The following DCDC2C variants were observed in gnomAD, a reference collection of about 807,000 sequenced individuals.
The protein encoded by DCDC2C is doublecortin domain-containing protein 2C.
In DCDC2C, 44 loss-of-function variants were observed where a neutral mutation model predicts 45.0. That is an observed-to-expected ratio of 0.98 (90% CI 0.77 to 1.26). DCDC2C has a LOEUF of 1.26. Ranked by LOEUF, DCDC2C falls within the 50% of genes most tolerant of loss-of-function variation. DCDC2C has a pLI of 0.00. For synonymous variants in DCDC2C, 187 were observed against 178.8 expected (o/e 1.05, Z -0.37); for missense variants, 447 against 468.9 (o/e 0.95, Z 0.43).
At chr2:3,766,200 G>A (rs1670007038) in intron 6 of DCDC2C, among the ~76,000 whole-genome samples, 1 of 152,116 alleles carries the variant, frequency 6.6e-6, no homozygotes, top group East Asian at 1.9e-4. Flanking sequence ...AACTACTTCT[G>A]TGCCCTCGTT....
chr2:3,743,316 T>C (rs1451553492), intron 4 of DCDC2C, among the ~76,000 whole-genome samples: 1 of 152,172 alleles, frequency 6.6e-6, no homozygotes, highest in Non-Finnish European at 1.5e-5. Flanking sequence ...AGGAGGTGAC[T>C]TCAGTACCCC....
rs1672116279 is a variant in DCDC2C, at chr2:3,837,728, G to T, written c.1066-9426G>T. ...AAGCGCAACACCATTGAAATTTTGG[G>T]CTGGATGATTCTTTGAGTATCAAGA... On this transcript the variant is annotated intron_variant, in intron 10 of 10. Coordinates refer to ENST00000399143, the MANE Select transcript of DCDC2C (RefSeq NM_001287444.2). Among the ~76,000 whole-genome samples, 4 of 32,808 alleles carry T rather than the reference G, an allele frequency of 1.2e-4. 1 individual carries two copies. The Admixed American group carries it at 1.3e-3, about 11-fold the overall frequency. The allele number at this position is 32,808 out of a possible 152,430, so 21.5% of individuals were successfully genotyped here. A position where few individuals can be genotyped will look rare whatever the true frequency, so the allele number is the denominator to read the frequency against.
At chr2:3,844,058 T>C (rs544954501) in intron 10 of DCDC2C, 1 of 152,204 alleles carries the variant, frequency 6.6e-6, no homozygotes, top group Admixed American at 6.5e-5. Context: ...TTATTTTATT[T>C]ACTGAAAACA....
rs1204646076 is a variant in DCDC2C at position 3,734,706 on chromosome 2, G to A, written c.417-7214G>A. Among the ~76,000 whole-genome samples, 2 of 152,192 alleles carry A rather than the reference G, an allele frequency of 1.3e-5. No individual in the cohort carries two copies. The highest frequency in any genetic ancestry group is 2.9e-5 in the Non-Finnish European group (2 of 68,030). ...GGTTGCAGCCCTGGCTCACAGGCAGGAGACATGCCTCAAGTCCTGAGCTCG... is the reference window on the plus strand; with the variant it reads ...GGTTGCAGCCCTGGCTCACAGGCAGAAGACATGCCTCAAGTCCTGAGCTCG... On this transcript the variant is annotated intron_variant, in intron 3 of 10. Transcript: ENST00000399143. This position sits in a 1 kb window ranked among gnomAD's most constrained non-coding sequence, Gnocchi z 4.2.
intron 10 of DCDC2C, among the ~76,000 whole-genome samples, chr2:3,822,815 T>C (rs1161027610): frequency 1.3e-5 from 2 of 152,260 alleles, no homozygotes; most frequent in East Asian, 3.9e-4. Flanking sequence ...TCATCTTGTA[T>C]TCTCATGTGT....
At chr2:3,787,816 A>C (rs1200602273) in intron 10 of DCDC2C, among the ~76,000 whole-genome samples, 1 of 152,240 alleles carries the variant, frequency 6.6e-6, no homozygotes, top group Non-Finnish European at 1.5e-5. Flanking sequence ...AGTATTAAGA[A>C]GGTTGAAACT....
intron 10 of DCDC2C, among the ~76,000 whole-genome samples, chr2:3,816,731 G>C (rs562969459): frequency 2.0e-5 from 3 of 152,202 alleles, no homozygotes; most frequent in Non-Finnish European, 4.4e-5. Context: ...GGCAGTTTGA[G>C]GTATTTTAGT....
intron 10 of DCDC2C, chr2:3,844,069 A>G (rs996282412): frequency 5.9e-5 from 9 of 152,310 alleles, no homozygotes; most frequent in Middle Eastern, 6.8e-3. Context: ...ACTGAAAACA[A>G]GAAAAAGAAT....
intron 10 of DCDC2C, among the ~76,000 whole-genome samples, chr2:3,787,890 C>T (rs550946296): frequency 5.3e-5 from 8 of 152,142 alleles, no homozygotes; most frequent in Admixed American, 3.3e-4. Context: ...ATATTTTCAA[C>T]ATTTTAGGTT....
At chr2:3,781,068 A>G (rs1670496115) in intron 9 of DCDC2C, among the ~76,000 whole-genome samples, 1 of 152,252 alleles carries the variant, frequency 6.6e-6, no homozygotes, top group South Asian at 2.1e-4. Flanking sequence ...GACTGAAACA[A>G]ACCTTTGTTG....
rs150087420 is a variant in DCDC2C at position 3,720,544 on chromosome 2, C to T, written c.340-6459C>T. 8.7e-4 allele frequency among the ~76,000 whole-genome samples: 132 copies of T among 152,246 alleles called. 5 individuals carry two copies. Among genetic ancestry groups the T allele is most frequent in the Admixed American group, 5.9e-4 (9 of 15,288 alleles). On this transcript the variant is annotated intron_variant, in intron 2 of 10. Transcript: ENST00000399143. ...GTGAAACAATGAAATAACCATGTAC[C>T]CTTCCCACATGCAGCTGGGTCAGGC...
rs144913515 is a variant in DCDC2C, at chr2:3,707,679, C to T, written c.288-870C>T. Among the ~76,000 whole-genome samples, 710 of 152,304 alleles carry T rather than the reference C, an allele frequency of 4.7e-3. 8 individuals carry two copies. The highest frequency in any genetic ancestry group is 0.016 in the African/African-American group (683 of 41,568). ...CTATCTGGACCTGTGAGGCCCTGTC[C>T]GCCTCAGAAGGGAAAGGATGGTCCC... On this transcript the variant is annotated intron_variant, in intron 1 of 10. Transcript: ENST00000399143.
chr2:3,718,443 C>T (rs1205241393), intron 2 of DCDC2C, among the ~76,000 whole-genome samples: 2 of 152,160 alleles, frequency 1.3e-5, no homozygotes, highest in African/African-American at 4.8e-5. Flanking sequence ...GGGAGTGCCT[C>T]TGTGGGTGCA....
At chr2:3,721,375 G>A (rs1668500264) in intron 2 of DCDC2C, among the ~76,000 whole-genome samples, 3 of 152,140 alleles carry the variant, frequency 2.0e-5, no homozygotes, top group Admixed American at 6.5e-5. Context: ...GAATATATGA[G>A]AGTTGATCAA....
intron 2 of DCDC2C, among the ~76,000 whole-genome samples, chr2:3,721,904 C>A (rs139710299): frequency 1.3e-5 from 2 of 152,310 alleles, no homozygotes; most frequent in African/African-American, 2.4e-5. Context: ...TGAGGCCTCC[C>A]CAGCCATAGG....
At position 3,837,621 on chromosome 2, in the gene DCDC2C, G is replaced by GAGACAGTATC. The variant is rs1356938471; in HGVS notation, c.1066-9532_1066-9531insGACAGTATCA. Among the ~76,000 whole-genome samples, 4 of 103,138 alleles carry GAGACAGTATC rather than the reference G, an allele frequency of 3.9e-5. 2 individuals carry two copies. Among genetic ancestry groups the GAGACAGTATC allele is most frequent in the African/African-American group, 6.5e-5 (2 of 30,946 alleles). The allele number at this position is 103,138 out of a possible 152,430, so 67.7% of individuals were successfully genotyped here. On this transcript the variant is annotated intron_variant, in intron 10 of 10. Transcript: ENST00000399143. ...CTCATCTAAAGGGGAAGAAACTGAG[G>GAGACAGTATC]AAGAAATCAGCCTTTGGCTCCCCCT... is the stretch of plus-strand genomic sequence containing the variant.
chr2:3,736,758 C>T (rs952320193), intron 3 of DCDC2C, among the ~76,000 whole-genome samples: 11 of 152,162 alleles, frequency 7.2e-5, no homozygotes, highest in Non-Finnish European at 1.2e-4. Flanking sequence ...GAGAATTCTG[C>T]AGTTCTCAAC....
intron 4 of DCDC2C, among the ~76,000 whole-genome samples, chr2:3,749,039 T>A (rs755809577): frequency 6.6e-6 from 1 of 152,202 alleles, no homozygotes. Flanking sequence ...ATAAATATTT[T>A]AAAATTCTTG....
chr2:3,799,680 G>A (rs535641906), intron 10 of DCDC2C, among the ~76,000 whole-genome samples: 13 of 152,238 alleles, frequency 8.5e-5, no homozygotes, highest in South Asian at 2.1e-4. Context: ...TAGGCTGCTC[G>A]GGGGTCAGGG....
Sources: gnomAD v4.1 joint callset for allele counts (sites outside exome capture counted in the v4.1 genomes callset) on GRCh38, gnomAD v4.1.1 for gene constraint, Gnocchi (gnomAD v3.1) non-coding constraint, MANE v1.5 for transcripts, NCBI Gene and HGNC (gene_info 2026-07-23, HGNC 2026-07-21) for gene names.